SAMD13: variants seen among roughly 807,000 people sequenced by gnomAD.
SAMD13 encodes the protein sterile alpha motif domain-containing protein 13.
A neutral mutation model predicts 12.4 loss-of-function variants in SAMD13; 9 were observed. That is an observed-to-expected ratio of 0.72 (90% CI 0.44 to 1.26). The LOEUF is 1.26. SAMD13 is among the 50% of genes most tolerant of loss of function. The pLI is 0.00. For synonymous variants in SAMD13, 46 were observed against 45.4 expected, an observed-to-expected ratio of 1.01 and a Z score of -0.05; for missense variants, 84 against 119.6, an observed-to-expected ratio of 0.70 and a Z score of 1.39.
At chr1:84,335,590 T>A (rs968508796) in intron 3 of SAMD13, among the ~76,000 whole-genome samples, 11 of 152,176 alleles carry the variant, frequency 7.2e-5, no homozygotes, top group Middle Eastern at 3.2e-3. Flanking sequence ...GTCATTGTAT[T>A]GTTAGGGGGT....
chr1:84,322,673 T>G (rs1249948063), intron 2 of SAMD13, among the ~76,000 whole-genome samples: 1 of 152,120 alleles, frequency 6.6e-6, no homozygotes, highest in East Asian at 1.9e-4. Context: ...GCTTTTAAAC[T>G]TAGGTAGATC....
At chr1:84,328,642 C>T (rs1242397292) in intron 3 of SAMD13, among the ~76,000 whole-genome samples, 1 of 152,130 alleles carries the variant, frequency 6.6e-6, no homozygotes, top group Non-Finnish European at 1.5e-5. Context: ...TGTTAACCTG[C>T]CTCTTCCATC....
intron 3 of SAMD13, chr1:84,344,809 G>A: frequency 2.3e-6 from 1 of 431,634 alleles, no homozygotes; most frequent in South Asian, 1.7e-5. Flanking sequence ...CATCTGAGGA[G>A]AAATTCAAAC....
At position 84,308,971 on chromosome 1, in the gene SAMD13, T is replaced by C. The variant is rs555147806; in HGVS notation, c.53+5684T>C. 2.6e-5 allele frequency among the ~76,000 whole-genome samples: 4 copies of C among 152,316 alleles called. No homozygotes were observed. In the South Asian group the frequency reaches 8.3e-4, roughly 32 times the overall value. On this transcript the variant is annotated intron_variant, in intron 2 of 3. Coordinates refer to ENST00000394834, the MANE Select transcript of SAMD13 (RefSeq NM_001134663.2). ...TTGTTTCTTAAATAGTAGAATAATA[T>C]TGAATAAATAAATCTCTTAATTTCT...
chr1:84,349,771 A>G lies in SAMD13; in HGVS notation c.306A>G (p.Ser102=), dbSNP rs61751717. 1.2e-6 allele frequency: 2 copies of G among 1,608,116 alleles called. No homozygotes were observed. The highest frequency in any genetic ancestry group is 1.7e-4 in the Middle Eastern group (1 of 6,056). Residue 102 remains serine, a synonymous_variant, in exon 4 of 4, where the codon TCA becomes TCG. Transcript: ENST00000394834. ...LQTKHLKNNS[S] ...CAAAGCATTTAAAGAACAACTCTTC[A>G]TAGTACAGTCAAATTGGGGTCTTCG...
intron 3 of SAMD13, among the ~76,000 whole-genome samples, chr1:84,331,234 G>A (rs1217844446): frequency 1.4e-5 from 2 of 143,210 alleles, no homozygotes; most frequent in Non-Finnish European, 3.0e-5. Context: ...GAATTCACTT[G>A]TAGTGATTCT....
intron 3 of SAMD13, among the ~76,000 whole-genome samples, chr1:84,336,320 C>A (rs1679285763): frequency 1.3e-5 from 2 of 152,052 alleles, no homozygotes; most frequent in Admixed American, 6.6e-5. Context: ...TTTCACGCTG[C>A]TGATAAAGAC....
chr1:84,344,868 G>A (rs1428143582), intron 3 of SAMD13: 4 of 456,484 alleles, frequency 8.8e-6, no homozygotes, highest in African/African-American at 6.0e-5. Context: ...GAAATGAAAT[G>A]AGTATGACAA....
chr1:84,338,216 G>T (rs6666949), intron 3 of SAMD13, among the ~76,000 whole-genome samples: 2,176 of 152,000 alleles, frequency 0.014, 54 homozygotes, highest in African/African-American at 0.05. Flanking sequence ...CACTCTACTG[G>T]TACCAACTTA....
chr1:84,323,031 G>A (rs316660), intron 2 of SAMD13, among the ~76,000 whole-genome samples: 147,051 of 152,272 alleles, frequency 0.97, 71,110 homozygotes, highest in Non-Finnish European at 1. Context: ...GAGGAAAGGC[G>A]ACTAACTGAA....
upstream of SAMD13, chr1:84,298,555 G>T: frequency 7.8e-7 from 1 of 1,274,228 alleles, no homozygotes. Context: ...TCCCGGCGCG[G>T]CCATGCGGGG....
intron 2 of SAMD13, among the ~76,000 whole-genome samples, chr1:84,305,361 A>G (rs765489497): frequency 1.9e-4 from 29 of 151,890 alleles, no homozygotes; most frequent in Non-Finnish European, 3.8e-4. Context: ...GTTTTTTCAT[A>G]TTTATTGTAT....
chr1:84,326,871 TG>T (rs1485879860), intron 3 of SAMD13, among the ~76,000 whole-genome samples: 1 of 152,194 alleles, frequency 6.6e-6, no homozygotes, highest in Non-Finnish European at 1.5e-5. Flanking sequence ...ACTTCAGACT[TG>T]ATCTTTGTAC....
intron 3 of SAMD13, among the ~76,000 whole-genome samples, chr1:84,332,910 G>A (rs766445750): frequency 2.0e-5 from 3 of 152,050 alleles, no homozygotes; most frequent in Non-Finnish European, 2.9e-5. Flanking sequence ...TTTATATATG[G>A]TGTAAGTAAT....
rs369255769 is a variant in SAMD13 at position 84,303,205 on chromosome 1, G to A, written c.-30G>A. The A allele has an allele frequency of 4.3e-6, 7 of 1,610,360 alleles. No individual in the cohort carries two copies. In the African/African-American group the frequency reaches 9.4e-5, roughly 22 times the overall value. On this transcript the variant is annotated splice_region_variant and 5_prime_UTR_variant, in exon 2 of 4. Transcript: ENST00000394834. ...AGCTTTTCTCCCTTATTGATTAGTT[G>A]CTGAAGTAAAGGAACCCTGCAGCCT...
chr1:84,310,279 T>C (rs1347872084), intron 2 of SAMD13, among the ~76,000 whole-genome samples: 2 of 152,178 alleles, frequency 1.3e-5, no homozygotes, highest in African/African-American at 2.4e-5. Context: ...GGGTTCAAAC[T>C]TTCAGCTTCT....
chr1:84,346,083 A>G (rs1679528799), intron 3 of SAMD13, among the ~76,000 whole-genome samples: 1 of 152,164 alleles, frequency 6.6e-6, no homozygotes, highest in Admixed American at 6.5e-5. Context: ...AAGTTACCTC[A>G]ATAATACTTG....
intron 3 of SAMD13, among the ~76,000 whole-genome samples, chr1:84,329,923 C>T (rs1195115581): frequency 6.6e-6 from 1 of 152,166 alleles, no homozygotes; most frequent in Non-Finnish European, 1.5e-5. Context: ...GCGTACTGCA[C>T]TCATTCAGCT....
upstream of SAMD13, among the ~76,000 whole-genome samples, chr1:84,298,965 G>A (rs193289946): frequency 4.8e-3 from 738 of 152,280 alleles, 9 homozygotes; most frequent in African/African-American, 0.017. Flanking sequence ...GTCTTAGCCA[G>A]AAACTTTCCC....
Sources: allele counts gnomAD v4.1 joint callset (sites outside exome capture counted in the v4.1 genomes callset), GRCh38; gene constraint gnomAD v4.1.1; transcripts MANE v1.5; gene names NCBI Gene and HGNC (gene_info 2026-07-23, HGNC 2026-07-21).